The following WWOX variants were observed in gnomAD, a reference collection of about 807,000 sequenced individuals.
WWOX encodes the protein WW domain-containing oxidoreductase.
Under a neutral mutation model 46.2 loss-of-function variants are expected in WWOX, and 69 were observed. The ratio of observed to expected loss-of-function variants is 1.49; its 90% CI spans 1.23 to 1.82. The LOEUF (loss-of-function observed/expected upper bound fraction) is 1.82. WWOX is among the 40% of genes most tolerant of loss of function. The probability of loss-of-function intolerance (pLI) is 0.00; values close to 1 mark genes in which losing one functional copy is unlikely to be tolerated. For missense variants in WWOX, 919 were observed against 542.6 expected (o/e 1.69, Z -6.89); for synonymous variants, 359 against 202.6 (o/e 1.77, Z -6.56).
chr16:79,146,786 A>C (rs2050189935), intron 8 of WWOX, among the ~76,000 whole-genome samples: 1 of 152,176 alleles, frequency 6.6e-6, no homozygotes. Flanking sequence ...AGACTACTGA[A>C]CAAGAGATTT....
At chr16:79,203,217 G>T (rs2051399554) in intron 8 of WWOX, 1 of 152,156 alleles carries the variant, frequency 6.6e-6, no homozygotes, top group Admixed American at 6.6e-5. Flanking sequence ...CATTAATTAT[G>T]GAAGTAATAT....
chr16:78,721,549 A>T (rs2048690776), intron 8 of WWOX, among the ~76,000 whole-genome samples: 1 of 152,194 alleles, frequency 6.6e-6, no homozygotes, highest in African/African-American at 2.4e-5. Flanking sequence ...CTTCTTTAGA[A>T]GTCATCAATG....
At chr16:78,836,273 C>T (rs1207277531) in intron 8 of WWOX, among the ~76,000 whole-genome samples, 1 of 152,038 alleles carries the variant, frequency 6.6e-6, no homozygotes, top group Non-Finnish European at 1.5e-5. Flanking sequence ...AGTTGTACTG[C>T]TGTGGCCTAG....
At chr16:78,889,783 A>G (rs966613966) in intron 8 of WWOX, among the ~76,000 whole-genome samples, 3 of 152,148 alleles carry the variant, frequency 2.0e-5, no homozygotes, top group African/African-American at 7.2e-5. Flanking sequence ...CTCGATCACA[A>G]CAGCTGCCAC....
intron 6 of WWOX, among the ~76,000 whole-genome samples, chr16:78,412,306 G>T (rs925492569): frequency 6.6e-6 from 1 of 152,172 alleles, no homozygotes; most frequent in South Asian, 2.1e-4. Context: ...GAGGAGAGAA[G>T]ATGAAGAGTT....
intron 8 of WWOX, among the ~76,000 whole-genome samples, chr16:78,628,442 C>A (rs1219489094): frequency 1.3e-5 from 2 of 152,288 alleles, no homozygotes; most frequent in Middle Eastern, 3.4e-3. Context: ...ATCAGTATTT[C>A]TATCAAGCTC....
At chr16:79,173,158 G>T (rs183683072) in intron 8 of WWOX, among the ~76,000 whole-genome samples, 5 of 152,170 alleles carry the variant, frequency 3.3e-5, no homozygotes, top group East Asian at 1.9e-4. Context: ...CATGTCTCTG[G>T]GCCTGTGTCC....
At chr16:78,178,108 G>A (rs1441230808) in intron 5 of WWOX, among the ~76,000 whole-genome samples, 2 of 152,192 alleles carry the variant, frequency 1.3e-5, no homozygotes, top group African/African-American at 2.4e-5. Flanking sequence ...ATCAGGAAGT[G>A]CTGACAGTGA....
At chr16:78,817,686 A>G (rs773023500) in intron 8 of WWOX, among the ~76,000 whole-genome samples, 1 of 152,086 alleles carries the variant, frequency 6.6e-6, no homozygotes, top group Non-Finnish European at 1.5e-5. Context: ...TGTGGTGGCA[A>G]ACGGGCCCTG....
intron 8 of WWOX, among the ~76,000 whole-genome samples, chr16:78,828,589 C>A (rs1040067617): frequency 6.6e-6 from 1 of 151,734 alleles, no homozygotes; most frequent in Non-Finnish European, 1.5e-5. Flanking sequence ...CTACTATATA[C>A]CAAATTCTAT....
rs545379699 is a variant in WWOX, at chr16:78,507,864, C to T, written c.1056+75112C>T. ...ACAAGCTTGTCCAACCCATGGCCCC[C>T]GGGTCGCATGTGGCCCAGGACAGCT... On this transcript the variant is annotated intron_variant, in intron 8 of 8. Coordinates refer to ENST00000566780, the MANE Select transcript of WWOX (RefSeq NM_016373.4). 1.3e-4 allele frequency among the ~76,000 whole-genome samples: 20 copies of T among 152,256 alleles called. No individual in the cohort carries two copies. In the East Asian group the frequency reaches 1.4e-3, roughly 10 times the overall value.
intron 8 of WWOX, among the ~76,000 whole-genome samples, chr16:78,456,368 T>C (rs1391438929): frequency 6.6e-6 from 1 of 150,630 alleles, no homozygotes; most frequent in Non-Finnish European, 1.5e-5. Flanking sequence ...CAAGTAGCAA[T>C]GGAAACAAAC....
intron 8 of WWOX, among the ~76,000 whole-genome samples, chr16:78,485,179 T>C (rs1311155863): frequency 6.6e-6 from 1 of 152,190 alleles, no homozygotes; most frequent in Non-Finnish European, 1.5e-5. Flanking sequence ...TTTACAGTAA[T>C]TTTAAGTTCA....
intron 8 of WWOX, among the ~76,000 whole-genome samples, chr16:78,603,398 T>TA (rs1178413781): frequency 2.0e-5 from 3 of 152,124 alleles, no homozygotes; most frequent in Admixed American, 2.0e-4. Context: ...ACATGCATTT[T>TA]AAAAAACTAT....
Position 78,401,197 on chromosome 16 carries a change from C to A in WWOX, c.605+14249C>A, listed in dbSNP as rs539111204. Among the ~76,000 whole-genome samples, 5 of 152,210 alleles carry A rather than the reference C, an allele frequency of 3.3e-5. No homozygotes were observed. The East Asian group carries it at 9.7e-4, about 29-fold the overall frequency. ...TATGTGTGTGCAGAAATAAAGATTT[C>A]AAATATTTTTGCAAGATATTTTTTC... is the stretch of plus-strand genomic sequence containing the variant. On this transcript the variant is annotated intron_variant, in intron 6 of 8. Coordinates refer to ENST00000566780, the MANE Select transcript of WWOX (RefSeq NM_016373.4).
At position 79,172,342 on chromosome 16, in the gene WWOX, G is replaced by C. The variant is rs192369025; in HGVS notation, c.1057-39266G>C. Among the ~76,000 whole-genome samples the C allele has an allele frequency of 3.9e-5, 6 of 152,250 alleles. No homozygotes were observed. The East Asian group carries it at 1.2e-3, about 29-fold the overall frequency. ...TGCAGGAAGCGCGGACTTCAGATTT[G>C]GTCAAAGATCCATGATTTCAGAGCA... On this transcript the variant is annotated intron_variant, in intron 8 of 8. Coordinates refer to ENST00000566780, the MANE Select transcript of WWOX (RefSeq NM_016373.4).
At chr16:79,017,454 A>G (rs1259995832) in intron 8 of WWOX, 3 of 147,382 alleles carry the variant, frequency 2.0e-5, no homozygotes, top group African/African-American at 7.7e-5. Flanking sequence ...AAAAAAAAAA[A>G]AAAAAAAAGA....
intron 8 of WWOX, among the ~76,000 whole-genome samples, chr16:78,455,672 CAAAATT>C (rs2083800276): frequency 1.1e-5 from 1 of 92,986 alleles, no homozygotes; most frequent in South Asian, 3.5e-4. Flanking sequence ...AAAAAAAAAT[CAAAATT>C]GATGCAAAAA....
Position 78,826,934 on chromosome 16 carries a change from A to C in WWOX, c.1057-384674A>C, listed in dbSNP as rs928512663. 2.0e-5 allele frequency among the ~76,000 whole-genome samples: 3 copies of C among 152,240 alleles called. No homozygotes were observed. In the East Asian group the frequency reaches 5.8e-4, roughly 29 times the overall value. Reference sequence around the variant, plus strand: ...ATCACACACTACATGCCGGACACCAAGCTATTACATTTTTTGAATATGTTT... The same window carrying C: ...ATCACACACTACATGCCGGACACCACGCTATTACATTTTTTGAATATGTTT... On this transcript the variant is annotated intron_variant, in intron 8 of 8. Transcript: ENST00000566780.
Sources: allele counts gnomAD v4.1 joint callset (sites outside exome capture counted in the v4.1 genomes callset), GRCh38; gene constraint gnomAD v4.1.1; transcripts MANE v1.5; gene names NCBI Gene and HGNC (gene_info 2026-07-23, HGNC 2026-07-21).